Variants in AFF1 observed in about 807,000 individuals in gnomAD.
The protein encoded by AFF1 is AF4/FMR2 family member 1.
Under a neutral mutation model 121.7 loss-of-function variants are expected in AFF1, and 48 were observed. The observed-to-expected ratio is 0.39, with a 90% confidence interval of 0.31 to 0.50. The LOEUF (loss-of-function observed/expected upper bound fraction) is 0.50. Among genes scored for constraint, AFF1 ranks in the 20% least tolerant of loss-of-function variants. The pLI, the probability that AFF1 is intolerant of heterozygous loss-of-function variation, is 0.76. For missense variants in AFF1, 1,523 were observed against 1,511.7 expected (o/e 1.01, Z -0.12); for synonymous variants, 613 against 563.0 (o/e 1.09, Z -1.26).
chr4:86,998,098 C>CAAAAAAAAAAAAAAAAAAAAAAAAAA (rs56741955), intron 2 of AFF1, among the ~76,000 whole-genome samples: 1 of 91,746 alleles, frequency 1.1e-5, no homozygotes, highest in African/African-American at 4.3e-5. Flanking sequence ...AACTCCGTCT[C>CAAAAAAAAAAAAAAAAAAAAAAAAAA]AAAAAAAAAA....
chr4:87,059,235 A>C (rs905460269), intron 4 of AFF1, among the ~76,000 whole-genome samples: 1 of 152,192 alleles, frequency 6.6e-6, no homozygotes, highest in Non-Finnish European at 1.5e-5. Context: ...TGCCCACTGG[A>C]CTTTTCTAGT....
intron 2 of AFF1, among the ~76,000 whole-genome samples, chr4:86,994,448 A>T (rs1191276459): frequency 6.6e-6 from 1 of 152,264 alleles, no homozygotes. Flanking sequence ...GTGTAATGAG[A>T]GAACCCCAGA....
chr4:87,075,539 A>C (rs541855707), intron 4 of AFF1, among the ~76,000 whole-genome samples: 1 of 152,286 alleles, frequency 6.6e-6, no homozygotes, highest in East Asian at 1.9e-4. Flanking sequence ...GCGTACGTAC[A>C]TCCTTTCTTT....
At chr4:86,963,482 C>T (rs1243016376) in intron 2 of AFF1, among the ~76,000 whole-genome samples, 2 of 152,086 alleles carry the variant, frequency 1.3e-5, no homozygotes, top group Non-Finnish European at 2.9e-5. Flanking sequence ...TTCACATTAG[C>T]GCTTGCGTTC....
At chr4:86,983,531 A>C (rs915181654) in intron 2 of AFF1, among the ~76,000 whole-genome samples, 16 of 142,146 alleles carry the variant, frequency 1.1e-4, no homozygotes, top group Admixed American at 9.4e-4. Flanking sequence ...CTGTGTCTCA[A>C]AAAATAAAAA....
intron 4 of AFF1, among the ~76,000 whole-genome samples, chr4:87,064,391 A>C (rs968530198): frequency 2.6e-5 from 4 of 152,214 alleles, no homozygotes; most frequent in African/African-American, 9.6e-5. Flanking sequence ...GGAATGTCCC[A>C]AGATATTCAT....
rs868015746 is a variant in AFF1, at chr4:87,034,418, T to C, written c.39-11748T>C. Among the ~76,000 whole-genome samples the C allele has an allele frequency of 5.8e-4, 89 of 152,348 alleles. 1 individual carries two copies. Among genetic ancestry groups the C allele is most frequent in the East Asian group, 2.5e-3 (13 of 5,190 alleles). ...GCTTAATTTGCCTTGCATTTAAAAT[T>C]CTCTCTCTGGATCCTGTATTTTCTT... On this transcript the variant is annotated intron_variant, in intron 2 of 20. Coordinates refer to ENST00000395146, the MANE Select transcript of AFF1 (RefSeq NM_001166693.3).
intron 2 of AFF1, among the ~76,000 whole-genome samples, chr4:87,022,543 G>GATATATATATATATATAT (rs1156817444): frequency 6.2e-5 from 5 of 80,188 alleles, no homozygotes; most frequent in African/African-American, 1.7e-4. Context: ...CGTGCTTACA[G>GATATATATATATATATAT]ATATATATAT....
intron 11 of AFF1, among the ~76,000 whole-genome samples, chr4:87,113,308 A>G (rs1179899659): frequency 2.0e-5 from 3 of 151,850 alleles, no homozygotes; most frequent in Non-Finnish European, 4.4e-5. Flanking sequence ...TTTGAGACCA[A>G]TGTGTCACTC....
At chr4:86,949,432 T>C (rs149863287) in intron 2 of AFF1, among the ~76,000 whole-genome samples, 11 of 150,706 alleles carry the variant, frequency 7.3e-5, no homozygotes, top group African/African-American at 2.7e-4. Flanking sequence ...TATTAAATGT[T>C]TTTAAATGTT....
At chr4:87,134,013 A>AT (rs1729082966) in intron 19 of AFF1, among the ~76,000 whole-genome samples, 1 of 152,266 alleles carries the variant, frequency 6.6e-6, no homozygotes. Flanking sequence ...AGGAAAAGGA[A>AT]TAAACAGTAG....
chr4:86,977,294 A>G (rs189700772), intron 2 of AFF1, among the ~76,000 whole-genome samples: 42 of 152,312 alleles, frequency 2.8e-4, no homozygotes, highest in Non-Finnish European at 5.1e-4. Context: ...GGACAAAGGG[A>G]TGATTCACGT....
intron 2 of AFF1, among the ~76,000 whole-genome samples, chr4:87,035,648 G>A (rs2149590800): frequency 6.6e-6 from 1 of 152,204 alleles, no homozygotes; most frequent in Middle Eastern, 3.4e-3. Flanking sequence ...AACAAGATCA[G>A]GTTTATGATT....
At chr4:87,061,227 C>T (rs958931427) in intron 4 of AFF1, among the ~76,000 whole-genome samples, 4 of 152,168 alleles carry the variant, frequency 2.6e-5, no homozygotes, top group Non-Finnish European at 4.4e-5. Flanking sequence ...AAAGTATGCC[C>T]ATGGCTTTGG....
At chr4:87,089,310 T>C (rs912132850) in intron 5 of AFF1, among the ~76,000 whole-genome samples, 1 of 152,248 alleles carries the variant, frequency 6.6e-6, no homozygotes, top group African/African-American at 2.4e-5. Context: ...TGAATGTGTT[T>C]AGAAGAATTC....
chr4:87,092,889 T>C (rs1449896971), intron 7 of AFF1, among the ~76,000 whole-genome samples: 1 of 152,060 alleles, frequency 6.6e-6, no homozygotes, highest in African/African-American at 2.4e-5. Flanking sequence ...CCCAGACCAG[T>C]GGAGTGTGCA....
chr4:87,008,547 G>A (rs1726405156), intron 2 of AFF1, among the ~76,000 whole-genome samples: 2 of 151,670 alleles, frequency 1.3e-5, no homozygotes, highest in Admixed American at 6.6e-5. Context: ...TTAATCTGGG[G>A]CCAAGTAGTA....
intron 2 of AFF1, among the ~76,000 whole-genome samples, chr4:87,033,772 T>C (rs925371530): frequency 6.6e-6 from 1 of 152,220 alleles, no homozygotes; most frequent in Middle Eastern, 3.2e-3. Flanking sequence ...TTAATCAGTT[T>C]AGAGAATGTT....
chr4:87,082,436 A>G (rs537690726), intron 4 of AFF1, among the ~76,000 whole-genome samples: 1 of 152,300 alleles, frequency 6.6e-6, no homozygotes, highest in African/African-American at 2.4e-5. Context: ...TGCCAGATGT[A>G]AGGGACACCC....
Sources: gnomAD v4.1 joint callset for allele counts (sites outside exome capture counted in the v4.1 genomes callset) on GRCh38, gnomAD v4.1.1 for gene constraint, MANE v1.5 for transcripts, NCBI Gene and HGNC (gene_info 2026-07-23, HGNC 2026-07-21) for gene names.